The following CPA6 variants were observed in gnomAD, a reference collection of about 807,000 sequenced individuals.
CPA6 encodes carboxypeptidase A6.
Under a neutral mutation model 63.3 loss-of-function variants are expected in CPA6, and 58 were observed. The observed-to-expected ratio is 0.92, with a 90% CI of 0.74 to 1.14. The LOEUF (loss-of-function observed/expected upper bound fraction) is 1.14. Among genes scored for constraint, CPA6 ranks in the 50% most tolerant of loss-of-function variants. The pLI, the probability that CPA6 is intolerant of heterozygous loss-of-function variation, is 0.00. For synonymous variants in CPA6, 185 were observed against 179.0 expected (o/e 1.03, Z -0.27); for missense variants, 565 against 526.6 (o/e 1.07, Z -0.71).
intron 6 of CPA6, among the ~76,000 whole-genome samples, chr8:67,495,199 C>T (rs527918791): frequency 6.6e-6 from 1 of 152,290 alleles, no homozygotes; most frequent in South Asian, 2.1e-4. Context: ...ATGATGCTCC[C>T]CCAACTTCAA....
chr8:67,500,221 A>C (rs566659391), intron 6 of CPA6, among the ~76,000 whole-genome samples: 20 of 143,696 alleles, frequency 1.4e-4, no homozygotes, highest in Admixed American at 1.0e-3. Context: ...ATATAAATCT[A>C]TCTATCTGAT....
At chr8:67,457,750 C>T (rs144549711) in intron 8 of CPA6, among the ~76,000 whole-genome samples, 64 of 152,286 alleles carry the variant, frequency 4.2e-4, no homozygotes, top group Non-Finnish European at 7.2e-4. Context: ...GTCAGTTCCT[C>T]AGCATGGTGT....
intron 1 of CPA6, among the ~76,000 whole-genome samples, chr8:67,634,163 C>T (rs902179171): frequency 6.8e-6 from 1 of 147,036 alleles, no homozygotes; most frequent in African/African-American, 2.5e-5. Flanking sequence ...ATTCCTTTCT[C>T]CAAGTCACTG....
rs143372519 is a variant in CPA6 at position 67,707,127 on chromosome 8, T to C, written c.116+38887A>G. On this transcript the variant is annotated intron_variant, in intron 1 of 10. Coordinates refer to ENST00000297770, the MANE Select transcript of CPA6 (RefSeq NM_020361.5). Reference sequence around the variant, plus strand: ...TCTTATTTTGATCCTCTTCAAAAGATGGCTTTATAATCAGATATAGGACTC... The same window carrying C: ...TCTTATTTTGATCCTCTTCAAAAGACGGCTTTATAATCAGATATAGGACTC... Among the ~76,000 whole-genome samples, 301 of 152,326 alleles carry C rather than the reference T, an allele frequency of 2.0e-3. 3 individuals carry two copies. Among genetic ancestry groups the C allele is most frequent in the South Asian group, 0.011 (55 of 4,830 alleles).
intron 1 of CPA6, among the ~76,000 whole-genome samples, chr8:67,745,362 T>C (rs1204021890): frequency 6.6e-6 from 1 of 152,226 alleles, no homozygotes; most frequent in Non-Finnish European, 1.5e-5. Context: ...AACACACGGC[T>C]TCCAGCCCTC....
rs34398433 is a variant in CPA6 at position 67,642,317 on chromosome 8, CAAAA to C, written c.117-18070_117-18067del. Among the ~76,000 whole-genome samples, 56 of 135,862 alleles carry C rather than the reference CAAAA, an allele frequency of 4.1e-4. No homozygotes were observed. The South Asian group carries it at 7.3e-3, about 18-fold the overall frequency. The allele number at this position is 135,862 out of a possible 152,430, so 89.1% of individuals were successfully genotyped here. On this transcript the variant is annotated intron_variant, in intron 1 of 10. Coordinates refer to ENST00000297770, the MANE Select transcript of CPA6 (RefSeq NM_020361.5). ...TGGGCGACAGAGCATGACTCCATCT[CAAAA>C]AAAAAAAAAAATATTGATTAAAAGA... is the stretch of plus-strand genomic sequence containing the variant.
chr8:67,672,098 G>A (rs1239081216), intron 1 of CPA6, among the ~76,000 whole-genome samples: 4 of 152,050 alleles, frequency 2.6e-5, no homozygotes, highest in Non-Finnish European at 5.9e-5. Flanking sequence ...CCAAAGTGCT[G>A]GGATTACAGG....
intron 8 of CPA6, among the ~76,000 whole-genome samples, chr8:67,450,692 G>T (rs980610751): frequency 6.6e-6 from 1 of 152,186 alleles, no homozygotes. Context: ...ATCTTGCCTT[G>T]TATCTATTGG....
chr8:67,639,139 G>C (rs143417970), intron 1 of CPA6, among the ~76,000 whole-genome samples: 2 of 151,634 alleles, frequency 1.3e-5, no homozygotes, highest in Non-Finnish European at 1.5e-5. Flanking sequence ...TAGTGCAGGG[G>C]TTGGAAAGTT....
intron 2 of CPA6, among the ~76,000 whole-genome samples, chr8:67,623,588 C>T (rs1815130836): frequency 2.0e-5 from 3 of 152,034 alleles, no homozygotes; most frequent in Admixed American, 6.5e-5. Flanking sequence ...TGTGACACCA[C>T]ACCTGGTTAA....
chr8:67,720,668 A>G lies in CPA6; in HGVS notation c.116+25346T>C, dbSNP rs115859180. Among the ~76,000 whole-genome samples the G allele has an allele frequency of 7.4e-3, 1,125 of 152,332 alleles. 7 individuals carry two copies. The highest frequency in any genetic ancestry group is 0.025 in the African/African-American group (1,027 of 41,574). On this transcript the variant is annotated intron_variant, in intron 1 of 10. Transcript: ENST00000297770. ...ACATGCTTCAAGGAAATAGAATTTA[A>G]CAAAAGTAAAGAGCTGTCAAAACGG...
chr8:67,504,382 T>C (rs1205322194), intron 6 of CPA6, among the ~76,000 whole-genome samples: 3 of 152,226 alleles, frequency 2.0e-5, no homozygotes, highest in Admixed American at 1.3e-4. Flanking sequence ...CTGGACCAAG[T>C]GACTCACTTC....
At chr8:67,685,824 C>T (rs1306683632) in intron 1 of CPA6, among the ~76,000 whole-genome samples, 6 of 152,104 alleles carry the variant, frequency 3.9e-5, no homozygotes. Context: ...TTAACTTGAC[C>T]ACTGTTTCTG....
chr8:67,674,421 C>T (rs1168870765), intron 1 of CPA6, among the ~76,000 whole-genome samples: 1 of 152,204 alleles, frequency 6.6e-6, no homozygotes, highest in Non-Finnish European at 1.5e-5. Context: ...GCTTCATATC[C>T]ATAGCAGGAA....
At chr8:67,561,380 G>A (rs952057012) in intron 2 of CPA6, among the ~76,000 whole-genome samples, 11 of 152,230 alleles carry the variant, frequency 7.2e-5, no homozygotes, top group Non-Finnish European at 1.0e-4. Context: ...ATCATCAGTC[G>A]TGGCACACAT....
chr8:67,731,473 G>A (rs1025924505), intron 1 of CPA6, among the ~76,000 whole-genome samples: 1 of 152,236 alleles, frequency 6.6e-6, no homozygotes, highest in Non-Finnish European at 1.5e-5. Flanking sequence ...CACCACCTCT[G>A]TCTGAATATT....
chr8:67,548,116 C>T (rs1812859379), intron 2 of CPA6, among the ~76,000 whole-genome samples: 1 of 60,028 alleles, frequency 1.7e-5, no homozygotes. Flanking sequence ...TCCTTCCCTC[C>T]CTCCCTCCCT....
chr8:67,447,503 G>A (rs1043759061), intron 8 of CPA6, among the ~76,000 whole-genome samples: 2 of 113,276 alleles, frequency 1.8e-5, no homozygotes, highest in Non-Finnish European at 1.8e-5. Flanking sequence ...AGATATGTGT[G>A]TATACACACA....
chr8:67,537,629 A>G (rs912849909), intron 2 of CPA6, among the ~76,000 whole-genome samples: 4 of 152,042 alleles, frequency 2.6e-5, no homozygotes, highest in Non-Finnish European at 4.4e-5. Flanking sequence ...AATCTTTTCA[A>G]AAAACCAGCT....
Sources: allele counts gnomAD v4.1 joint callset (sites outside exome capture counted in the v4.1 genomes callset), GRCh38; gene constraint gnomAD v4.1.1; transcripts MANE v1.5; gene names NCBI Gene and HGNC (gene_info 2026-07-23, HGNC 2026-07-21).